CEP85L: variants seen among roughly 807,000 people sequenced by gnomAD.
CEP85L encodes the protein centrosomal protein of 85 kDa-like.
A neutral mutation model predicts 100.3 loss-of-function variants in CEP85L; 60 were observed. The ratio of observed to expected loss-of-function variants is 0.60; its 90% CI spans 0.49 to 0.74. CEP85L has a LOEUF of 0.74. Among genes scored for constraint, CEP85L ranks in the 30% least tolerant of loss-of-function variants. The pLI is 0.00. For missense variants in CEP85L, 973 were observed against 936.2 expected, an observed-to-expected ratio of 1.04 and a Z score of -0.51; for synonymous variants, 319 against 322.7, an observed-to-expected ratio of 0.99 and a Z score of 0.12.
At chr6:118,663,426 GA>G (rs1186207030) in intron 1 of CEP85L, among the ~76,000 whole-genome samples, 1 of 152,136 alleles carries the variant, frequency 6.6e-6, no homozygotes, top group Non-Finnish European at 1.5e-5. Context: ...AGCCTTTAAA[GA>G]AATATTTATG....
chr6:118,636,654 C>T (rs1774512233), intron 1 of CEP85L, among the ~76,000 whole-genome samples: 1 of 152,112 alleles, frequency 6.6e-6, no homozygotes, highest in Non-Finnish European at 1.5e-5. Context: ...CAGCTGAAGG[C>T]CTGAACACAA....
At chr6:118,506,178 C>T (rs1775645188) in intron 5 of CEP85L, among the ~76,000 whole-genome samples, 1 of 152,182 alleles carries the variant, frequency 6.6e-6, no homozygotes, top group African/African-American at 2.4e-5. Flanking sequence ...ATTAAAAACA[C>T]TCAATTCAAA....
At chr6:118,706,015 G>T (rs1008628490) in intron 1 of CEP85L, among the ~76,000 whole-genome samples, 1 of 152,184 alleles carries the variant, frequency 6.6e-6, no homozygotes, top group African/African-American at 2.4e-5. Context: ...TGCTAATTGG[G>T]TAGATTTGGG....
chr6:118,490,351 G>C (rs932841379), intron 6 of CEP85L, among the ~76,000 whole-genome samples: 1 of 152,138 alleles, frequency 6.6e-6, no homozygotes, highest in Non-Finnish European at 1.5e-5. Flanking sequence ...TTTCTACAAC[G>C]AAAAGAGAAA....
In CEP85L at chr6:118,461,902, G is replaced by C. The variant is rs1772252807; in HGVS notation, c.*3503C>G. On this transcript the variant is annotated 3_prime_UTR_variant, in exon 13 of 13. Transcript: ENST00000368491. ...AGAATGCCAATAATCCAAACTAAAG[G>C]TGTGCCTAAGCTGAACTATGCTGTG... 6.6e-6 allele frequency: 1 copy of C among 151,946 alleles called. No homozygotes were observed. Among genetic ancestry groups the C allele is most frequent in the Non-Finnish European group, 1.5e-5 (1 of 67,892 alleles). 9.4% of individuals were successfully genotyped at this position (151,946 alleles called of 1,614,324 possible). A position where few individuals can be genotyped will look rare whatever the true frequency, so the allele number is the denominator to read the frequency against.
intron 2 of CEP85L, among the ~76,000 whole-genome samples, chr6:118,591,884 A>G (rs1781209721): frequency 6.6e-6 from 1 of 152,246 alleles, no homozygotes; most frequent in African/African-American, 2.4e-5. Context: ...TATGATTCAA[A>G]TATTTAATTT....
At chr6:118,498,667 G>C (rs1327598325) in intron 5 of CEP85L, among the ~76,000 whole-genome samples, 1 of 144,016 alleles carries the variant, frequency 6.9e-6, no homozygotes, top group Non-Finnish European at 1.5e-5. Flanking sequence ...GGGAGGGAGG[G>C]AGGGAAGGAG....
At chr6:118,628,185 A>G (rs578182024) in intron 2 of CEP85L, among the ~76,000 whole-genome samples, 9 of 152,336 alleles carry the variant, frequency 5.9e-5, no homozygotes, top group African/African-American at 2.2e-4. Context: ...CAAAAAAAAA[A>G]TAGTTTGAAG....
intron 2 of CEP85L, among the ~76,000 whole-genome samples, chr6:118,600,343 G>GTGTGTGTGTGTGTGTGTGTGTGTGTT (rs1781707644): frequency 7.4e-6 from 1 of 135,278 alleles, no homozygotes; most frequent in African/African-American, 2.7e-5. Context: ...GTGTGTGTGT[G>GTGTGTGTGTGTGTGTGTGTGTGTGTT]TGTGTGTGTG....
At chr6:118,596,045 T>C (rs73766576) in intron 2 of CEP85L, among the ~76,000 whole-genome samples, 4,441 of 152,232 alleles carry the variant, frequency 0.029, 222 homozygotes, top group African/African-American at 0.1. Context: ...AGCTGGGTGT[T>C]GTAATAAAAG....
chr6:118,504,408 T>C (rs1399920389), intron 5 of CEP85L, among the ~76,000 whole-genome samples: 1 of 151,614 alleles, frequency 6.6e-6, no homozygotes, highest in Non-Finnish European at 1.5e-5. Context: ...ACCTACATAA[T>C]GAAGCTTACA....
intron 4 of CEP85L, among the ~76,000 whole-genome samples, chr6:118,522,099 A>G (rs1448196114): frequency 6.6e-6 from 1 of 152,012 alleles, no homozygotes; most frequent in African/African-American, 2.4e-5. Flanking sequence ...GGTGGCTCAC[A>G]CCTGTAATCC....
At chr6:118,492,217 G>A (rs893089105) in intron 5 of CEP85L, among the ~76,000 whole-genome samples, 2 of 151,974 alleles carry the variant, frequency 1.3e-5, no homozygotes, top group South Asian at 2.1e-4. Context: ...AAATAGTACA[G>A]TATATACATT....
intron 5 of CEP85L, among the ~76,000 whole-genome samples, chr6:118,503,141 T>G (rs751819342): frequency 6.6e-6 from 1 of 152,200 alleles, no homozygotes; most frequent in East Asian, 1.9e-4. Context: ...TTTTTCAGTA[T>G]GTCAACAATG....
intron 1 of CEP85L, among the ~76,000 whole-genome samples, chr6:118,660,889 T>TC (rs1423611943): frequency 1.3e-5 from 2 of 151,650 alleles, no homozygotes; most frequent in African/African-American, 4.8e-5. Context: ...TTTTTTCTTT[T>TC]TTTTTTCTTT....
intron 1 of CEP85L, among the ~76,000 whole-genome samples, chr6:118,680,381 C>T (rs1404433570): frequency 1.7e-5 from 2 of 114,678 alleles, no homozygotes; most frequent in African/African-American, 6.9e-5. Context: ...TAACATATTT[C>T]AAAAATATAG....
rs1353873036 is a variant in CEP85L at position 118,460,935 on chromosome 6, GAAC to G, written c.*4467_*4469del. The G allele has an allele frequency of 2.0e-5, 3 of 150,100 alleles. No individual in the cohort carries two copies. In the East Asian group the frequency reaches 5.9e-4, roughly 29 times the overall value. The allele number at this position is 150,100 out of a possible 1,614,324, so 9.3% of individuals were successfully genotyped here. On this transcript the variant is annotated 3_prime_UTR_variant, in exon 13 of 13. Transcript: ENST00000368491. ...TAGCTGTAAACCCTATTAAAAAACA[GAAC>G]AACAAGAAGAAAACCCCTTTACAAA... is the stretch of plus-strand genomic sequence containing the variant.
At chr6:118,593,496 A>G (rs571160018) in intron 2 of CEP85L, among the ~76,000 whole-genome samples, 14 of 152,040 alleles carry the variant, frequency 9.2e-5, no homozygotes, top group Admixed American at 3.3e-4. Context: ...GGTGCTACAC[A>G]CTTTTAAACA....
chr6:118,524,335 T>A (rs916244360), intron 3 of CEP85L, among the ~76,000 whole-genome samples: 1 of 152,088 alleles, frequency 6.6e-6, no homozygotes, highest in South Asian at 2.1e-4. Flanking sequence ...TCCCAGCTAC[T>A]CGGGAGGCTG....
Sources: allele counts gnomAD v4.1 joint callset (sites outside exome capture counted in the v4.1 genomes callset), GRCh38; gene constraint gnomAD v4.1.1; transcripts MANE v1.5; gene names NCBI Gene and HGNC (gene_info 2026-07-23, HGNC 2026-07-21).